The following EEA1 variants were observed in gnomAD, a reference collection of about 807,000 sequenced individuals.
The protein encoded by EEA1 is early endosome antigen 1.
In EEA1, 111 loss-of-function variants were observed where a neutral mutation model predicts 209.2. That is an observed-to-expected ratio of 0.53 (90% confidence interval 0.45 to 0.62). The LOEUF is 0.62. Among genes scored for constraint, EEA1 ranks in the 20% least tolerant of loss-of-function variants. EEA1 has a pLI of 0.00. For missense variants in EEA1, 1,343 were observed against 1,530.8 expected (o/e 0.88, Z 2.05); for synonymous variants, 536 against 540.6 (o/e 0.99, Z 0.12).
At position 92,779,277 on chromosome 12, in the gene EEA1, A is replaced by C. The variant is rs1873794994; in HGVS notation, c.3492T>G (p.Ala1164=). 6.2e-7 allele frequency: 1 copy of C among 1,600,870 alleles called. No individual in the cohort carries two copies. ...SIKEITNLKD[A]KQLLIQQKLE... ...ATTTCTGCTGAATTAGAAGCTGTTT[A>C]GCATCTTTAAGATTTGTTATCTCCT... Residue 1164 remains alanine (A), a synonymous_variant, in exon 25 of 29, where the codon GCT becomes GCG. Transcript: ENST00000322349.
rs1031520616 is a variant in EEA1 at position 92,922,469 on chromosome 12, GTTTGTT to G, written c.24+6568_24+6573del. Among the ~76,000 whole-genome samples the G allele has an allele frequency of 6.4e-4, 97 of 152,278 alleles. No individual in the cohort carries two copies. In the Middle Eastern group the frequency reaches 0.014, roughly 21 times the overall value. On this transcript the variant is annotated intron_variant, in intron 1 of 28. Transcript: ENST00000322349. The stretch of plus-strand genomic sequence containing the variant: ...TTCAATTGAGAAACTCAAAAATCTG[GTTTGTT>G]TTTAAGAATTCCAAATGACTCCAAT...
intron 1 of EEA1, among the ~76,000 whole-genome samples, chr12:92,909,812 C>G (rs530653674): frequency 6.6e-6 from 1 of 151,766 alleles, no homozygotes; most frequent in East Asian, 1.9e-4. Context: ...AGCTCAGGAG[C>G]CCAAGACCAG....
intron 21 of EEA1, among the ~76,000 whole-genome samples, chr12:92,791,768 C>G (rs1874415612): frequency 6.6e-6 from 1 of 152,176 alleles, no homozygotes. Flanking sequence ...CTGCAACAAG[C>G]AGACCTAACA....
chr12:92,874,989 A>G (rs535357677), intron 2 of EEA1, among the ~76,000 whole-genome samples: 2 of 152,340 alleles, frequency 1.3e-5, no homozygotes, highest in African/African-American at 4.8e-5. Context: ...GTGTCAATTT[A>G]AAAAGTAAAT....
rs1484630079 is a variant in EEA1, at chr12:92,782,133, A to G, written c.3153T>C (p.Ser1051=). 1 of 1,591,318 alleles carries G rather than the reference A, an allele frequency of 6.3e-7. No individual in the cohort carries two copies. The highest frequency in any genetic ancestry group is 1.4e-5 in the African/African-American group (1 of 73,680). ...GTGCTAGAGAAAGCTTCTCTTCTAC[A>G]GACTTACAAAAACAATTTTCCCAAA... is the stretch of plus-strand genomic sequence containing the variant. ...ELLATRQDLK[S]VEEKLSLAQE... is the part of the protein sequence containing the mutation. The change falls in exon 23 of 29, where the codon TCT becomes TCC. Residue 1051 remains serine, a splice_region_variant and synonymous_variant. Coordinates refer to ENST00000322349, the MANE Select transcript of EEA1 (RefSeq NM_003566.4).
chr12:92,788,141 A>T (rs1322678505), intron 21 of EEA1, 92 bp from the exon 22 acceptor site: 2 of 1,120,310 alleles, frequency 1.8e-6, no homozygotes, highest in Non-Finnish European at 2.4e-6. Context: ...AGAAAATTCC[A>T]AACAATAAGA....
rs565054522 is a variant in EEA1, at chr12:92,832,073, G to A, written c.1254+439C>T. ...CTGCAGTCCGCAGTCCGGCCTGGGC[G>A]ACAGAGCAAGACTCCGTCTCAAAAA... On this transcript the variant is annotated intron_variant, in intron 11 of 28. Transcript: ENST00000322349. 3.6e-3 allele frequency among the ~76,000 whole-genome samples: 502 copies of A among 140,524 alleles called. 1 individual carries two copies. The highest frequency in any genetic ancestry group is 5.7e-3 in the Non-Finnish European group (379 of 66,136). The allele number at this position is 140,524 out of a possible 152,430, so 92.2% of individuals were successfully genotyped here.
chr12:92,857,974 T>C lies in EEA1; in HGVS notation c.246-489A>G, dbSNP rs147506269. The C allele has an allele frequency of 2.1e-3, 608 of 291,994 alleles. 8 individuals carry two copies. The highest frequency in any genetic ancestry group is 6.0e-3 in the South Asian group (139 of 23,272). The allele number at this position is 291,994 out of a possible 1,614,324, so 18.1% of individuals were successfully genotyped here. ...TGCACCACCATTGGTTACGCCCTGATACTGCGCACTGAGTAGAATGCCGTC... is the reference window on the plus strand; with the variant it reads ...TGCACCACCATTGGTTACGCCCTGACACTGCGCACTGAGTAGAATGCCGTC... On this transcript the variant is annotated intron_variant, in intron 3 of 28. Coordinates refer to ENST00000322349, the MANE Select transcript of EEA1 (RefSeq NM_003566.4).
intron 10 of EEA1, chr12:92,835,363 C>T (rs1876870430): frequency 6.5e-6 from 2 of 305,704 alleles, no homozygotes; most frequent in South Asian, 2.6e-5. Flanking sequence ...CCAACTAATC[C>T]CACCTTTCTA....
chr12:92,868,456 G>A (rs535938303), intron 2 of EEA1, among the ~76,000 whole-genome samples: 6 of 152,276 alleles, frequency 3.9e-5, no homozygotes, highest in East Asian at 3.9e-4. Context: ...CCTATTACAC[G>A]ATTTAATCTT....
intron 21 of EEA1, among the ~76,000 whole-genome samples, chr12:92,797,372 G>C (rs1243239098): frequency 6.6e-6 from 1 of 152,158 alleles, no homozygotes; most frequent in Non-Finnish European, 1.5e-5. Context: ...ACAGGTGTGA[G>C]CCACTGCACC....
intron 10 of EEA1, among the ~76,000 whole-genome samples, chr12:92,840,160 G>A (rs530104448): frequency 5.9e-5 from 9 of 151,380 alleles, no homozygotes; most frequent in Middle Eastern, 3.4e-3. Context: ...TATATTTCAC[G>A]AAAATGTTAA....
chr12:92,806,135 T>TA (rs899149908), intron 18 of EEA1, among the ~76,000 whole-genome samples: 6 of 151,514 alleles, frequency 4.0e-5, no homozygotes, highest in African/African-American at 7.3e-5. Flanking sequence ...TAAAAGCTAT[T>TA]AAAAAAAAGC....
intron 2 of EEA1, among the ~76,000 whole-genome samples, chr12:92,877,120 CT>C (rs1482813693): frequency 6.9e-6 from 1 of 143,916 alleles, no homozygotes; most frequent in Admixed American, 6.8e-5. Context: ...AATTTTTTTT[CT>C]TTTTTCTTTT....
chr12:92,900,996 G>A lies in EEA1; in HGVS notation c.25-9275C>T, dbSNP rs116259445. 1.7e-3 allele frequency among the ~76,000 whole-genome samples: 257 copies of A among 151,960 alleles called. 1 individual carries two copies. Among genetic ancestry groups the A allele is most frequent in the African/African-American group, 5.9e-3 (244 of 41,452 alleles). ...AACTGGATATTTAATATAAAGAACC[G>A]TTCTATAAAACTAGAAATTCATTTT... is the stretch of plus-strand genomic sequence containing the variant. On this transcript the variant is annotated intron_variant, in intron 1 of 28. Coordinates refer to ENST00000322349, the MANE Select transcript of EEA1 (RefSeq NM_003566.4).
intron 13 of EEA1, among the ~76,000 whole-genome samples, chr12:92,819,979 A>G (rs1875970906): frequency 6.6e-6 from 1 of 152,114 alleles, no homozygotes; most frequent in African/African-American, 2.4e-5. Context: ...TTCCATTTAA[A>G]ATTTCAGCCT....
intron 2 of EEA1, chr12:92,883,757 CT>C (rs1879264047): frequency 7.3e-7 from 1 of 1,369,820 alleles, no homozygotes; most frequent in Non-Finnish European, 1.0e-6. Context: ...GTTAAAGTCT[CT>C]CTTCTCCCTT....
intron 17 of EEA1, 76 bp from the exon 18 acceptor site, chr12:92,809,232 T>G: frequency 8.6e-7 from 1 of 1,168,318 alleles, no homozygotes; most frequent in Non-Finnish European, 1.1e-6. Context: ...TATAACATTT[T>G]TGTTTATATT....
At chr12:92,799,958 C>T (rs1874831896) in intron 20 of EEA1, among the ~76,000 whole-genome samples, 2 of 152,098 alleles carry the variant, frequency 1.3e-5, no homozygotes, top group Admixed American at 6.5e-5. Context: ...GCCAGGTGCT[C>T]ACGCCTATAA....
Sources: allele counts gnomAD v4.1 joint callset (sites outside exome capture counted in the v4.1 genomes callset), GRCh38; gene constraint gnomAD v4.1.1; transcripts MANE v1.5; gene names NCBI Gene and HGNC (gene_info 2026-07-23, HGNC 2026-07-21).